Variants in YEATS2 observed in about 807,000 individuals in gnomAD.
YEATS2 encodes the protein YEATS domain-containing protein 2.
YEATS2 carries 77 observed loss-of-function variants against 163.2 expected under a neutral mutation model. That is an observed-to-expected ratio of 0.47 (90% confidence interval 0.39 to 0.57). The LOEUF is 0.57. YEATS2 is among the 20% of genes least tolerant of loss of function. The pLI, the probability that YEATS2 is intolerant of heterozygous loss-of-function variation, is 0.00. For synonymous variants in YEATS2, 631 were observed against 645.1 expected (o/e 0.98, Z 0.33); for missense variants, 1,549 against 1,729.8 (o/e 0.90, Z 1.85).
At chr3:183,741,038 A>G (rs1324551179) in intron 8 of YEATS2, among the ~76,000 whole-genome samples, 1 of 152,060 alleles carries the variant, frequency 6.6e-6, no homozygotes, top group Admixed American at 6.5e-5. Flanking sequence ...TCCTGGGTTC[A>G]AGCAATCCTC....
chr3:183,761,658 T>C, intron 14 of YEATS2, 44 bp downstream of exon 14: 6 of 1,575,478 alleles, frequency 3.8e-6, no homozygotes, highest in Non-Finnish European at 4.4e-6. Flanking sequence ...ATAATACTTT[T>C]TGTGGCATGT....
intron 1 of YEATS2, among the ~76,000 whole-genome samples, chr3:183,703,876 A>G (rs552056154): frequency 6.6e-6 from 1 of 152,150 alleles, no homozygotes; most frequent in Non-Finnish European, 1.5e-5. Flanking sequence ...ATGTTCCTAA[A>G]GGGGCCAGGC....
intron 1 of YEATS2, among the ~76,000 whole-genome samples, chr3:183,705,821 C>T (rs185583414): frequency 8.5e-5 from 13 of 152,168 alleles, no homozygotes; most frequent in South Asian, 2.1e-4. Context: ...AGGCAGATCA[C>T]GAGTTGAGGA....
intron 23 of YEATS2, among the ~76,000 whole-genome samples, chr3:183,800,217 A>G (rs896945963): frequency 6.6e-6 from 1 of 152,084 alleles, no homozygotes; most frequent in African/African-American, 2.4e-5. Context: ...AGAAATATCT[A>G]AGGAGCCACT....
intron 17 of YEATS2, among the ~76,000 whole-genome samples, chr3:183,774,420 A>AC (rs1339245535): frequency 1.3e-5 from 2 of 150,616 alleles, no homozygotes; most frequent in East Asian, 1.9e-4. Context: ...TCCCCAAACC[A>AC]CCCCCCGCCT....
At chr3:183,780,306 G>C (rs1723443588) in intron 19 of YEATS2, among the ~76,000 whole-genome samples, 1 of 152,202 alleles carries the variant, frequency 6.6e-6, no homozygotes, top group Non-Finnish European at 1.5e-5. Flanking sequence ...GGCTGCTCTT[G>C]CCACAGTACC....
intron 1 of YEATS2, among the ~76,000 whole-genome samples, 155 bp from the exon 2 acceptor site, chr3:183,714,989 C>A (rs1007070770): frequency 6.6e-6 from 1 of 151,786 alleles, no homozygotes; most frequent in Admixed American, 6.6e-5. Flanking sequence ...TGTATATACA[C>A]ATACCCACAG....
At chr3:183,753,321 A>G (rs1252979677) in intron 10 of YEATS2, among the ~76,000 whole-genome samples, 3 of 152,234 alleles carry the variant, frequency 2.0e-5, no homozygotes, top group Admixed American at 2.0e-4. Context: ...AGCATAAAAG[A>G]TATAAAATTG....
At chr3:183,763,879 C>G (rs1268449993) in intron 15 of YEATS2, among the ~76,000 whole-genome samples, 1 of 152,004 alleles carries the variant, frequency 6.6e-6, no homozygotes, top group African/African-American at 2.4e-5. Flanking sequence ...ACCAGCCTGT[C>G]CGACGTGGTG....
At chr3:183,714,072 G>T (rs1234635271) in intron 1 of YEATS2, among the ~76,000 whole-genome samples, 4 of 151,920 alleles carry the variant, frequency 2.6e-5, no homozygotes, top group Non-Finnish European at 5.9e-5. Flanking sequence ...CAAAGTGCTG[G>T]GATTACAGGC....
chr3:183,701,605 G>A (rs1714100771), intron 1 of YEATS2, among the ~76,000 whole-genome samples: 1 of 151,226 alleles, frequency 6.6e-6, no homozygotes, highest in East Asian at 1.9e-4. Context: ...TGTTGTCCAG[G>A]CCGGTCTTAA....
At chr3:183,710,134 A>G (rs1715045391) in intron 1 of YEATS2, among the ~76,000 whole-genome samples, 1 of 152,218 alleles carries the variant, frequency 6.6e-6, no homozygotes, top group African/African-American at 2.4e-5. Flanking sequence ...TTTTCCTAGC[A>G]GTTCCTAGTA....
chr3:183,809,017 G>T, intron 29 of YEATS2, 80 bp from the exon 30 acceptor site: 2 of 1,457,526 alleles, frequency 1.4e-6, no homozygotes, highest in Non-Finnish European at 1.9e-6. Context: ...AACATTTGGG[G>T]TAAGGGATGG....
At chr3:183,708,619 A>G (rs1714867223) in intron 1 of YEATS2, among the ~76,000 whole-genome samples, 2 of 152,036 alleles carry the variant, frequency 1.3e-5, no homozygotes. Flanking sequence ...AAATCTCAGC[A>G]CTTTGGAAGG....
chr3:183,767,626 C>A (rs1722036817), intron 15 of YEATS2, among the ~76,000 whole-genome samples: 1 of 152,018 alleles, frequency 6.6e-6, no homozygotes, highest in African/African-American at 2.4e-5. Flanking sequence ...TGTGATCTGC[C>A]CGCCTTGGCC....
intron 21 of YEATS2, among the ~76,000 whole-genome samples, chr3:183,797,681 G>A (rs1341927438): frequency 2.6e-5 from 4 of 151,782 alleles, no homozygotes; most frequent in Admixed American, 6.6e-5. Flanking sequence ...AGCCGAGATC[G>A]CGTCAGCCTG....
chr3:183,800,409 C>T (rs978657780), intron 23 of YEATS2, 57 bp from the exon 24 acceptor site: 44 of 1,284,902 alleles, frequency 3.4e-5, no homozygotes, highest in East Asian at 6.9e-5. Context: ...TGTGCCTGCA[C>T]GTGTCCTTCC....
intron 1 of YEATS2, among the ~76,000 whole-genome samples, chr3:183,702,999 G>A (rs1462266565): frequency 6.6e-6 from 1 of 152,114 alleles, no homozygotes. Context: ...ATGGATTCTG[G>A]GGGCTGACCA....
chr3:183,745,135 C>G (rs1719389414), intron 8 of YEATS2, among the ~76,000 whole-genome samples: 1 of 152,210 alleles, frequency 6.6e-6, no homozygotes, highest in South Asian at 2.1e-4. Flanking sequence ...TAGGCGTGAG[C>G]CACCGCGCCC....
Sources: gnomAD v4.1 joint callset for allele counts (sites outside exome capture counted in the v4.1 genomes callset) on GRCh38, gnomAD v4.1.1 for gene constraint, MANE v1.5 for transcripts, NCBI Gene and HGNC (gene_info 2026-07-23, HGNC 2026-07-21) for gene names.